IMPG2: variants seen among roughly 807,000 people sequenced by gnomAD.
IMPG2 encodes the protein interphotoreceptor matrix proteoglycan 2, also known as IPM 200.
A neutral mutation model predicts 129.2 loss-of-function variants in IMPG2; 91 were observed. The ratio of observed to expected loss-of-function variants is 0.70; its 90% CI spans 0.59 to 0.84. IMPG2 has a LOEUF of 0.84. Ranked by LOEUF, IMPG2 falls within the 40% of genes least tolerant of loss-of-function variation. IMPG2 has a pLI of 0.00. For synonymous variants in IMPG2, 510 were observed against 517.7 expected, an observed-to-expected ratio of 0.99 and a Z score of 0.20; for missense variants, 1,430 against 1,461.7, an observed-to-expected ratio of 0.98 and a Z score of 0.35.
intron 14 of IMPG2, among the ~76,000 whole-genome samples, chr3:101,234,419 G>A (rs1190926370): frequency 6.6e-6 from 1 of 151,960 alleles, no homozygotes; most frequent in Non-Finnish European, 1.5e-5. Context: ...TTTTGATTTT[G>A]GACTTCTAGC....
intron 9 of IMPG2, 149 bp from the exon 10 acceptor site, chr3:101,257,922 A>G: frequency 1.1e-6 from 1 of 880,864 alleles, no homozygotes. Flanking sequence ...CCTGGACAAC[A>G]TTTTGCCATC....
intron 2 of IMPG2, among the ~76,000 whole-genome samples, chr3:101,311,217 G>A (rs1484361917): frequency 6.7e-6 from 1 of 148,610 alleles, no homozygotes; most frequent in Non-Finnish European, 1.5e-5. Context: ...GTTCTAACCA[G>A]GGCAATTGGG....
At chr3:101,248,170 C>T (rs1235162920) in intron 11 of IMPG2, among the ~76,000 whole-genome samples, 1 of 152,086 alleles carries the variant, frequency 6.6e-6, no homozygotes, top group Non-Finnish European at 1.5e-5. Flanking sequence ...CTTGAATTTC[C>T]ACGTGTTGTG....
intron 4 of IMPG2, among the ~76,000 whole-genome samples, chr3:101,280,242 T>G (rs1462718861): frequency 1.3e-5 from 2 of 152,206 alleles, no homozygotes; most frequent in Non-Finnish European, 2.9e-5. Flanking sequence ...ATAGAACATA[T>G]ATTTAAAGAC....
Position 101,287,241 on chromosome 3 carries a change from C to T in IMPG2, c.533+4238G>A, listed in dbSNP as rs138667486. Among the ~76,000 whole-genome samples the T allele has an allele frequency of 2.6e-5, 4 of 152,054 alleles. No homozygotes were observed. In the East Asian group the frequency reaches 7.8e-4, roughly 30 times the overall value. The stretch of plus-strand genomic sequence containing the variant: ...ACAGTGTGGCAACCTTGGCCACACC[C>T]AAAGCTGAATCAATCAAAAGAGTCT... On this transcript the variant is annotated intron_variant, in intron 4 of 18. Coordinates refer to ENST00000193391, the MANE Select transcript of IMPG2 (RefSeq NM_016247.4).
chr3:101,239,465 A>AAC (rs1361641852), intron 14 of IMPG2, among the ~76,000 whole-genome samples: 2 of 152,214 alleles, frequency 1.3e-5, no homozygotes, highest in African/African-American at 4.8e-5. Context: ...GAGAAATAGG[A>AAC]ACACCTTTAC....
intron 9 of IMPG2, among the ~76,000 whole-genome samples, chr3:101,266,956 G>C (rs913440606): frequency 2.6e-5 from 4 of 152,098 alleles, no homozygotes; most frequent in Non-Finnish European, 5.9e-5. Flanking sequence ...GAGCAGCCAA[G>C]CCTCCATTCA....
rs1265512828 is a variant in IMPG2, at chr3:101,300,022, C to T, written c.501+4124G>A. Among the ~76,000 whole-genome samples, 12 of 152,306 alleles carry T rather than the reference C, an allele frequency of 7.9e-5. 1 individual carries two copies. Among genetic ancestry groups the T allele is most frequent in the African/African-American group, 1.9e-4 (8 of 41,582 alleles). On this transcript the variant is annotated intron_variant, in intron 3 of 18. Transcript: ENST00000193391. ...GGAGGGAAGACTAAATCTACCCGTC[C>T]GCAGAGACTGTGGCCACCCCTCCCT...
At chr3:101,287,122 G>C (rs1412903681) in intron 4 of IMPG2, among the ~76,000 whole-genome samples, 1 of 152,142 alleles carries the variant, frequency 6.6e-6, no homozygotes, top group African/African-American at 2.4e-5. Context: ...TTGTGTTACT[G>C]TCAGGGTATA....
chr3:101,240,007 C>T (rs569958987), intron 14 of IMPG2, among the ~76,000 whole-genome samples: 2 of 151,434 alleles, frequency 1.3e-5, no homozygotes, highest in Admixed American at 6.6e-5. Flanking sequence ...CCATGGCACA[C>T]GTATACCTGT....
chr3:101,316,554 C>T (rs1197635857), intron 2 of IMPG2, among the ~76,000 whole-genome samples: 1 of 151,664 alleles, frequency 6.6e-6, no homozygotes, highest in East Asian at 1.9e-4. Context: ...AAATTAATAC[C>T]ACAATAAGAT....
At chr3:101,251,666 G>C (rs1236852030) in intron 11 of IMPG2, among the ~76,000 whole-genome samples, 4 of 152,116 alleles carry the variant, frequency 2.6e-5, no homozygotes, top group Non-Finnish European at 5.9e-5. Context: ...TGCCAGAAAA[G>C]TGTCAAATTC....
chr3:101,316,388 T>G (rs1348075262), intron 2 of IMPG2, among the ~76,000 whole-genome samples: 6 of 151,980 alleles, frequency 3.9e-5, no homozygotes, highest in Non-Finnish European at 8.8e-5. Flanking sequence ...TTAGAACACA[T>G]TAAGAACTAT....
At chr3:101,307,866 C>A (rs941957819) in intron 2 of IMPG2, among the ~76,000 whole-genome samples, 17 of 152,302 alleles carry the variant, frequency 1.1e-4, no homozygotes, top group African/African-American at 3.9e-4. Flanking sequence ...TGAGACAAGG[C>A]AAGTCCCTTC....
At chr3:101,313,256 T>C (rs1265185079) in intron 2 of IMPG2, among the ~76,000 whole-genome samples, 2 of 152,030 alleles carry the variant, frequency 1.3e-5, no homozygotes, top group East Asian at 3.9e-4. Context: ...TTCTGAAGCA[T>C]TTGCACAGCT....
intron 14 of IMPG2, among the ~76,000 whole-genome samples, chr3:101,242,156 A>T (rs1005697484): frequency 2.0e-5 from 3 of 152,162 alleles, no homozygotes; most frequent in African/African-American, 7.2e-5. Flanking sequence ...GAGTGGTGAG[A>T]TATGGAAAAG....
At chr3:101,286,127 C>A (rs1343407831) in intron 4 of IMPG2, among the ~76,000 whole-genome samples, 6 of 151,972 alleles carry the variant, frequency 3.9e-5, no homozygotes, top group African/African-American at 1.5e-4. Context: ...TTAATACCTA[C>A]CTCATTATAT....
intron 13 of IMPG2, 63 bp downstream of exon 13, chr3:101,243,466 G>A (rs745731858): frequency 2.1e-6 from 3 of 1,408,356 alleles, no homozygotes; most frequent in African/African-American, 1.4e-5. Flanking sequence ...TGTGCTAGAG[G>A]GGAGGAGGAG....
At position 101,258,254 on chromosome 3, in the gene IMPG2, CTT is replaced by C. The variant is rs796404249; in HGVS notation, c.909-483_909-482del. Among the ~76,000 whole-genome samples, 24 of 152,122 alleles carry C rather than the reference CTT, an allele frequency of 1.6e-4. No individual in the cohort carries two copies. In the East Asian group the frequency reaches 3.9e-3, roughly 25 times the overall value. ...ATTGTGGTAGGAAAATTATGAAAAA[CTT>C]GGTACTAAAGCAAATTGATGATTAT... is the stretch of plus-strand genomic sequence containing the variant. On this transcript the variant is annotated intron_variant, in intron 9 of 18. Coordinates refer to ENST00000193391, the MANE Select transcript of IMPG2 (RefSeq NM_016247.4).
Sources: gnomAD v4.1 joint callset for allele counts (sites outside exome capture counted in the v4.1 genomes callset) on GRCh38, gnomAD v4.1.1 for gene constraint, MANE v1.5 for transcripts, NCBI Gene and HGNC (gene_info 2026-07-23, HGNC 2026-07-21) for gene names.